Variants in CASD1 observed in about 807,000 individuals in gnomAD.
CASD1 encodes the protein N-acetylneuraminate (7)9-O-acetyltransferase.
Under a neutral mutation model 100.0 loss-of-function variants are expected in CASD1, and 41 were observed. That is an observed-to-expected ratio of 0.41 (90% CI 0.32 to 0.53). The LOEUF (loss-of-function observed/expected upper bound fraction) is 0.53. CASD1 is among the 20% of genes least tolerant of loss of function. The probability of loss-of-function intolerance (pLI) is 0.25; values close to 1 mark genes in which losing one functional copy is unlikely to be tolerated. For synonymous variants in CASD1, 321 were observed against 315.6 expected (o/e 1.02, Z -0.18); for missense variants, 774 against 948.7 (o/e 0.82, Z 2.42).
At chr7:94,528,536 C>G (rs1794690349) in intron 5 of CASD1, among the ~76,000 whole-genome samples, 1 of 152,136 alleles carries the variant, frequency 6.6e-6, no homozygotes, top group Admixed American at 6.5e-5. Flanking sequence ...TCAGCTGATT[C>G]AAACCCAGGT....
the CASD1 span, chr7:94,599,284 C>T: frequency 3.4e-6 from 1 of 290,868 alleles, no homozygotes; most frequent in Non-Finnish European, 6.3e-6. Flanking sequence ...ACTACCATAG[C>T]TTTTATATTT....
Position 94,537,844 on chromosome 7 carries a change from A to T in CASD1, c.1216A>T (p.Ile406Phe). 2 of 1,579,976 alleles carry T rather than the reference A, an allele frequency of 1.3e-6. No homozygotes were observed. Among genetic ancestry groups the T allele is most frequent in the Non-Finnish European group, 8.7e-7 (1 of 1,149,900 alleles). Residue 406 changes from isoleucine (I) to phenylalanine (F), a missense_variant, in exon 9 of 18, where the codon ATT (isoleucine) becomes TTT (phenylalanine). Ile to Phe is a conservative substitution (Grantham distance 21). This residue lies in a region of CASD1 where 453 missense variants were observed against 532.6 expected (regional missense o/e 0.85). Transcript: ENST00000297273. Reference sequence around the variant, plus strand: ...TACACATTCATCTTTCTTTATTCCAATTATCTACATTTTGGTTTTGGGAGT... The same window carrying T: ...TACACATTCATCTTTCTTTATTCCATTTATCTACATTTTGGTTTTGGGAGT... ...FYTHSSFFIP[I>F]IYILVLGVFY...
the CASD1 span, chr7:94,586,554 C>G: frequency 6.6e-6 from 1 of 152,228 alleles, no homozygotes; most frequent in African/African-American, 2.4e-5. Context: ...GGCTGGAGTA[C>G]AATGGCGTGA....
chr7:94,548,293 A>C (rs1205577342), intron 13 of CASD1, among the ~76,000 whole-genome samples: 1 of 151,850 alleles, frequency 6.6e-6, no homozygotes, highest in Admixed American at 6.6e-5. Flanking sequence ...TTGATCACAT[A>C]ATAAGAAATT....
Position 94,518,145 on chromosome 7 carries a change from G to A in CASD1, c.231-58G>A, listed in dbSNP as rs562094776. 5.9e-4 allele frequency: 857 copies of A among 1,446,284 alleles called. 13 individuals carry two copies. The South Asian group carries it at 0.013, about 22-fold the overall frequency. 89.6% of individuals were successfully genotyped at this position (1,446,284 alleles called of 1,614,324 possible). A position where few individuals can be genotyped will look rare whatever the true frequency, so the allele number is the denominator to read the frequency against. ...ACTTTCTTCAAAAACGGTGTGCTTT[G>A]AAATGCCAGGATGGCTGATTTTACT... On this transcript the variant is annotated intron_variant, in intron 2 of 17. Coordinates refer to ENST00000297273, the MANE Select transcript of CASD1 (RefSeq NM_022900.5).
chr7:94,552,448 A>G (rs773940499), intron 16 of CASD1, 21 bp downstream of exon 16: 12 of 1,536,316 alleles, frequency 7.8e-6, no homozygotes, highest in Admixed American at 2.0e-5. Context: ...GATTTAGAGA[A>G]ATTTCTACAT....
At chr7:94,570,350 T>C in the CASD1 span, among the ~76,000 whole-genome samples, 1 of 152,214 alleles carries the variant, frequency 6.6e-6, no homozygotes, top group Non-Finnish European at 1.5e-5. Context: ...TATTCATATT[T>C]AACATCCTAA....
chr7:94,527,690 G>A (rs748657666), intron 4 of CASD1, among the ~76,000 whole-genome samples: 4 of 152,156 alleles, frequency 2.6e-5, no homozygotes, highest in African/African-American at 9.7e-5. Context: ...AATTAGGCAG[G>A]CTCAGTGGAA....
intron 6 of CASD1, 74 bp from the exon 7 acceptor site, chr7:94,533,605 A>G (rs1045029295): frequency 9.2e-7 from 1 of 1,091,840 alleles, no homozygotes; most frequent in Non-Finnish European, 1.3e-6. Flanking sequence ...AACACTTGTT[A>G]CAGTAGGTAA....
chr7:94,619,129 A>T, the CASD1 span: 6 of 616,328 alleles, frequency 9.7e-6, no homozygotes, highest in Non-Finnish European at 1.7e-5. Context: ...TAAAAACATA[A>T]CTGACATTAG....
At chr7:94,573,341 G>A in the CASD1 span, among the ~76,000 whole-genome samples, 7 of 152,214 alleles carry the variant, frequency 4.6e-5, no homozygotes, top group East Asian at 1.9e-4. Flanking sequence ...TAATAATATC[G>A]GTCCTTCCCG....
chr7:94,546,590 T>C (rs1318831340), intron 12 of CASD1, among the ~76,000 whole-genome samples: 3 of 151,902 alleles, frequency 2.0e-5, no homozygotes, highest in African/African-American at 7.2e-5. Flanking sequence ...AGCATATTAA[T>C]CGAATAAACT....
At chr7:94,619,040 G>T in the CASD1 span, 1 of 968,228 alleles carries the variant, frequency 1.0e-6, no homozygotes, top group South Asian at 1.3e-5. Context: ...GCGATTTGTT[G>T]AGTTCTGTCA....
At chr7:94,547,617 A>T (rs1795743443) in intron 13 of CASD1, among the ~76,000 whole-genome samples, 1 of 151,832 alleles carries the variant, frequency 6.6e-6, no homozygotes, top group Non-Finnish European at 1.5e-5. Flanking sequence ...GGGTTTGTGT[A>T]TCTATAGTAT....
chr7:94,588,876 C>A, the CASD1 span: 1 of 841,340 alleles, frequency 1.2e-6, no homozygotes, highest in Non-Finnish European at 2.0e-6. Context: ...CTTTCATGAG[C>A]TTACAGATGA....
the CASD1 span, among the ~76,000 whole-genome samples, chr7:94,575,040 G>A: frequency 2.0e-5 from 3 of 152,212 alleles, no homozygotes; most frequent in African/African-American, 4.8e-5. Flanking sequence ...TCATGTCTCA[G>A]TCTCCTTCAG....
chr7:94,524,800 C>T (rs1794473411), intron 3 of CASD1, among the ~76,000 whole-genome samples: 1 of 151,862 alleles, frequency 6.6e-6, no homozygotes, highest in African/African-American at 2.4e-5. Flanking sequence ...ACTGACTGAG[C>T]TGTGCAAGTT....
chr7:94,623,759 G>C, the CASD1 span: 1 of 390,830 alleles, frequency 2.6e-6, no homozygotes, highest in African/African-American at 2.1e-5. Context: ...AATAATTTTT[G>C]TACTTTTAAA....
chr7:94,551,860 A>G (rs529998803), intron 15 of CASD1: 120 of 154,500 alleles, frequency 7.8e-4, no homozygotes, highest in Non-Finnish European at 1.3e-3. Flanking sequence ...GTTCATATTT[A>G]TGGGGCACAT....
Sources: allele counts gnomAD v4.1 joint callset (sites outside exome capture counted in the v4.1 genomes callset), GRCh38; gene constraint gnomAD v4.1.1; regional missense constraint gnomAD v4.1.1; transcripts MANE v1.5; gene names NCBI Gene and HGNC (gene_info 2026-07-23, HGNC 2026-07-21).